The following MICU1 variants were observed in gnomAD, a reference collection of about 807,000 sequenced individuals.
The protein encoded by MICU1 is calcium uptake protein 1, mitochondrial.
Under a neutral mutation model 56.8 loss-of-function variants are expected in MICU1, and 45 were observed. The observed-to-expected ratio is 0.79, with a 90% CI of 0.62 to 1.02. The LOEUF (loss-of-function observed/expected upper bound fraction) is 1.02, where lower values mean the gene tolerates loss of function less well. Among genes scored for constraint, MICU1 ranks in the 50% least tolerant of loss-of-function variants. The pLI, the probability that MICU1 is intolerant of heterozygous loss-of-function variation, is 0.00. For synonymous variants in MICU1, 186 were observed against 195.1 expected (o/e 0.95, Z 0.39); for missense variants, 504 against 587.1 (o/e 0.86, Z 1.46).
intron 4 of MICU1, among the ~76,000 whole-genome samples, chr10:72,540,591 CT>C (rs1295242202): frequency 6.6e-6 from 1 of 152,108 alleles, no homozygotes; most frequent in Non-Finnish European, 1.5e-5. Flanking sequence ...TGGGGGATAA[CT>C]TGAGCCCAGG....
chr10:72,603,657 A>T (rs1204375491), intron 1 of MICU1, among the ~76,000 whole-genome samples: 2 of 152,054 alleles, frequency 1.3e-5, no homozygotes, highest in African/African-American at 4.8e-5. Context: ...ATACAAAATT[A>T]GCCGGGTGTG....
intron 6 of MICU1, among the ~76,000 whole-genome samples, chr10:72,490,651 C>T (rs1866624072): frequency 6.6e-6 from 1 of 152,038 alleles, no homozygotes; most frequent in African/African-American, 2.4e-5. Context: ...CTTGTCTGAC[C>T]CAACTAAGCA....
intron 6 of MICU1, among the ~76,000 whole-genome samples, chr10:72,500,261 CATATATATATATATATATATAT>C (rs869065639): frequency 1.1e-3 from 32 of 29,052 alleles, no homozygotes; most frequent in South Asian, 5.5e-3. Context: ...TACATACATA[CATATATATATATATATATATAT>C]ATATATATAT....
At chr10:72,446,198 T>A (rs1345545182) in intron 8 of MICU1, among the ~76,000 whole-genome samples, 1 of 152,152 alleles carries the variant, frequency 6.6e-6, no homozygotes, top group Non-Finnish European at 1.5e-5. Context: ...CTTCCATGAT[T>A]CAGAGTCAAA....
intron 5 of MICU1, among the ~76,000 whole-genome samples, chr10:72,515,462 T>C (rs1867619037): frequency 6.6e-6 from 1 of 152,166 alleles, no homozygotes; most frequent in Non-Finnish European, 1.5e-5. Context: ...TCATTTTGAA[T>C]TAGGCTGATG....
intron 1 of MICU1, among the ~76,000 whole-genome samples, chr10:72,582,556 A>G (rs995246479): frequency 8.5e-5 from 13 of 152,156 alleles, no homozygotes; most frequent in African/African-American, 3.1e-4. Flanking sequence ...TGTCAGGTTC[A>G]AGACCAACCT....
intron 1 of MICU1, chr10:72,583,042 C>G (rs1032246021): frequency 2.6e-5 from 4 of 151,590 alleles, no homozygotes; most frequent in Admixed American, 2.0e-4. Context: ...GGCCTGTGAA[C>G]AGCACTGCAG....
At chr10:72,598,955 A>C (rs1322049337) in intron 1 of MICU1, among the ~76,000 whole-genome samples, 4 of 151,700 alleles carry the variant, frequency 2.6e-5, no homozygotes, top group African/African-American at 9.7e-5. Flanking sequence ...TTTCAGCCTC[A>C]CTGATATTTC....
intron 6 of MICU1, chr10:72,477,478 A>AC: frequency 6.6e-7 from 1 of 1,518,442 alleles, no homozygotes; most frequent in Non-Finnish European, 8.8e-7. Context: ...GCCAGTAAAG[A>AC]CAGCACTTGT....
chr10:72,540,851 G>A (rs1035739770), intron 4 of MICU1, among the ~76,000 whole-genome samples: 2 of 152,158 alleles, frequency 1.3e-5, no homozygotes, highest in Admixed American at 1.3e-4. Context: ...TCTGAGGTTG[G>A]CTTTCTTTCT....
In MICU1 at chr10:72,368,358, A is replaced by T. The variant is rs1359684684; in HGVS notation, c.1271-3T>A. 6.2e-7 allele frequency: 1 copy of T among 1,611,582 alleles called. No individual in the cohort carries two copies. The highest frequency in any genetic ancestry group is 8.5e-7 in the Non-Finnish European group (1 of 1,178,026). On this transcript the variant is annotated splice_polypyrimidine_tract_variant and splice_region_variant and intron_variant, in intron 11 of 11. Transcript: ENST00000361114. The stretch of plus-strand genomic sequence containing the variant: ...CTTATTGCTCAGTTCGCCATTGCCT[A>T]GAGGAAGAGGCAAAAACAACAGGGA...
intron 10 of MICU1, among the ~76,000 whole-genome samples, chr10:72,387,881 A>G (rs1862946075): frequency 6.6e-6 from 1 of 152,112 alleles, no homozygotes; most frequent in South Asian, 2.1e-4. Context: ...GAAGAAAGCC[A>G]GCACCTATGG....
chr10:72,445,836 C>A (rs1865087803), intron 8 of MICU1, among the ~76,000 whole-genome samples: 1 of 152,124 alleles, frequency 6.6e-6, no homozygotes, highest in Non-Finnish European at 1.5e-5. Context: ...CTTGGGATTA[C>A]TGTGAGGGTA....
intron 5 of MICU1, among the ~76,000 whole-genome samples, chr10:72,527,479 T>C (rs1200163610): frequency 6.6e-6 from 1 of 152,044 alleles, no homozygotes; most frequent in Non-Finnish European, 1.5e-5. Context: ...CCCCCGACCT[T>C]ATCCTCCTGA....
intron 6 of MICU1, among the ~76,000 whole-genome samples, chr10:72,490,225 A>C (rs1468564772): frequency 6.6e-6 from 1 of 152,180 alleles, no homozygotes; most frequent in East Asian, 1.9e-4. Context: ...ATATATGTCT[A>C]TGTATGTATG....
intron 4 of MICU1, among the ~76,000 whole-genome samples, chr10:72,544,663 A>G (rs1839856134): frequency 6.6e-6 from 1 of 152,160 alleles, no homozygotes; most frequent in Admixed American, 6.5e-5. Flanking sequence ...AGCAAGCACC[A>G]CTCAAAGCCC....
chr10:72,533,924 A>G (rs181951871), intron 4 of MICU1, 135 bp from the exon 5 acceptor site: 3 of 605,854 alleles, frequency 5.0e-6, no homozygotes, highest in Admixed American at 3.2e-5. Context: ...ACAGGAATGA[A>G]TATTTTGCCC....
At chr10:72,532,778 A>C (rs1393414156) in intron 5 of MICU1, 1 of 829,356 alleles carries the variant, frequency 1.2e-6, no homozygotes, top group Non-Finnish European at 1.5e-6. Flanking sequence ...TTAATAGGAA[A>C]GGTAACTTTT....
At chr10:72,496,516 G>A (rs556860192) in intron 6 of MICU1, among the ~76,000 whole-genome samples, 2 of 152,110 alleles carry the variant, frequency 1.3e-5, no homozygotes, top group African/African-American at 2.4e-5. Flanking sequence ...TGGCCAGGCT[G>A]GTCTTGAACT....
Sources: gnomAD v4.1 joint callset for allele counts (sites outside exome capture counted in the v4.1 genomes callset) on GRCh38, gnomAD v4.1.1 for gene constraint, MANE v1.5 for transcripts, NCBI Gene and HGNC (gene_info 2026-07-23, HGNC 2026-07-21) for gene names.